ULK4: variants seen among roughly 807,000 people sequenced by gnomAD.
The protein encoded by ULK4 is unc-51 like kinase 4, also known as inactive serine/threonine-protein kinase ULK4.
In ULK4, 133 loss-of-function variants were observed where a neutral mutation model predicts 160.6. The observed-to-expected ratio is 0.83, with a 90% CI of 0.72 to 0.96. The LOEUF (loss-of-function observed/expected upper bound fraction) is 0.96. ULK4 is among the 40% of genes least tolerant of loss of function. ULK4 has a pLI of 0.00. For missense variants in ULK4, 1,580 were observed against 1,499.5 expected, an observed-to-expected ratio of 1.05 and a Z score of -0.89; for synonymous variants, 534 against 539.8, an observed-to-expected ratio of 0.99 and a Z score of 0.15.
rs536606173 is a variant in ULK4, at chr3:41,370,042, A to G, written c.3678+28037T>C. On this transcript the variant is annotated intron_variant, in intron 35 of 36. Transcript: ENST00000301831. ...AGAGCCTGGAAATGTAATGACTTCC[A>G]GGTTGCTAAGCAACGTCACAACGTT... Among the ~76,000 whole-genome samples, 73 of 152,268 alleles carry G rather than the reference A, an allele frequency of 4.8e-4. 1 individual carries two copies. Among genetic ancestry groups the G allele is most frequent in the Admixed American group, 1.6e-3 (24 of 15,284 alleles).
chr3:41,679,499 A>C (rs962308504), intron 29 of ULK4, among the ~76,000 whole-genome samples: 2 of 152,238 alleles, frequency 1.3e-5, no homozygotes, highest in Non-Finnish European at 2.9e-5. Context: ...AAGTTGTGTA[A>C]TACAAGCTTG....
Position 41,610,484 on chromosome 3 carries a change from G to T in ULK4, c.3120+5185C>A, listed in dbSNP as rs1384287845. 2.0e-5 allele frequency among the ~76,000 whole-genome samples: 3 copies of T among 152,156 alleles called. No individual in the cohort carries two copies. In the East Asian group the frequency reaches 5.8e-4, roughly 29 times the overall value. On this transcript the variant is annotated intron_variant, in intron 31 of 36. Transcript: ENST00000301831. ...ATATTTGTTGAGTTACAAGTAGAGT[G>T]GAGCAAATTTTATAAGCCTGATGGA...
At chr3:41,894,210 A>G (rs1698073878) in intron 16 of ULK4, among the ~76,000 whole-genome samples, 2 of 152,218 alleles carry the variant, frequency 1.3e-5, no homozygotes, top group African/African-American at 2.4e-5. Context: ...AGGATATAAC[A>G]CATTTTAAAT....
At chr3:41,555,347 G>A (rs532760375) in intron 32 of ULK4, among the ~76,000 whole-genome samples, 81 of 148,482 alleles carry the variant, frequency 5.5e-4, no homozygotes, top group East Asian at 5.9e-4. Context: ...CCATTACAAA[G>A]TAGGCAAAGC....
At chr3:41,844,281 G>A (rs1021182959) in intron 17 of ULK4, among the ~76,000 whole-genome samples, 1 of 152,158 alleles carries the variant, frequency 6.6e-6, no homozygotes, top group Non-Finnish European at 1.5e-5. Context: ...GGAGGCTCAG[G>A]CATGGTGGGC....
At chr3:41,801,343 A>T (rs2040454562) in intron 19 of ULK4, among the ~76,000 whole-genome samples, 1 of 151,940 alleles carries the variant, frequency 6.6e-6, no homozygotes, top group Non-Finnish European at 1.5e-5. Context: ...AAAGAAACAG[A>T]GCATCAGTGA....
chr3:41,596,501 G>C (rs2031700315), intron 31 of ULK4, among the ~76,000 whole-genome samples: 1 of 152,124 alleles, frequency 6.6e-6, no homozygotes, highest in African/African-American at 2.4e-5. Flanking sequence ...GCTAAGAAAG[G>C]GAAGAGAAGA....
chr3:41,442,708 C>T (rs1297113700), intron 34 of ULK4, among the ~76,000 whole-genome samples: 1 of 152,102 alleles, frequency 6.6e-6, no homozygotes, highest in Non-Finnish European at 1.5e-5. Context: ...ATCCTCCCAC[C>T]TCAGTCTCCC....
intron 22 of ULK4, among the ~76,000 whole-genome samples, chr3:41,741,200 A>C (rs1354778045): frequency 6.6e-6 from 1 of 151,940 alleles, no homozygotes; most frequent in East Asian, 1.9e-4. Flanking sequence ...CAGCCTAAAA[A>C]TACAAATGAG....
intron 27 of ULK4, among the ~76,000 whole-genome samples, chr3:41,685,042 C>A (rs2036053958): frequency 6.6e-6 from 1 of 151,756 alleles, no homozygotes. Context: ...CAATGGCTGC[C>A]TGGGTTCAAT....
chr3:41,780,197 C>A (rs2039784767), intron 21 of ULK4, among the ~76,000 whole-genome samples: 1 of 151,692 alleles, frequency 6.6e-6, no homozygotes, highest in Admixed American at 6.6e-5. Context: ...CCTGTGGTCC[C>A]AGCCACCCTG....
chr3:41,906,109 C>T (rs981475903), intron 12 of ULK4, among the ~76,000 whole-genome samples: 3 of 147,820 alleles, frequency 2.0e-5, no homozygotes, highest in African/African-American at 5.0e-5. Flanking sequence ...CCCAGCTACT[C>T]GGGAGGCTGA....
intron 31 of ULK4, among the ~76,000 whole-genome samples, chr3:41,587,161 C>T (rs2125638805): frequency 6.6e-6 from 1 of 152,268 alleles, no homozygotes; most frequent in East Asian, 1.9e-4. Flanking sequence ...TGTTCTCTTA[C>T]TGGCTGCTGG....
At chr3:41,352,289 T>C (rs2080926781) in intron 35 of ULK4, among the ~76,000 whole-genome samples, 1 of 152,176 alleles carries the variant, frequency 6.6e-6, no homozygotes, top group Non-Finnish European at 1.5e-5. Flanking sequence ...TACAGAGGAA[T>C]GGTAAGGGTC....
chr3:41,498,825 G>A (rs1040977179), intron 32 of ULK4, among the ~76,000 whole-genome samples: 21 of 152,194 alleles, frequency 1.4e-4, no homozygotes, highest in Non-Finnish European at 2.4e-4. Flanking sequence ...TCGATCTCCT[G>A]ACATTGTGAT....
chr3:41,500,280 CTT>C (rs34817731), intron 32 of ULK4, among the ~76,000 whole-genome samples: 7 of 139,880 alleles, frequency 5.0e-5, no homozygotes, highest in African/African-American at 1.8e-4. Context: ...TTCATCTTAT[CTT>C]TTTTTTTTTT....
intron 17 of ULK4, among the ~76,000 whole-genome samples, chr3:41,864,767 C>T (rs575643159): frequency 6.6e-5 from 10 of 152,196 alleles, no homozygotes; most frequent in Admixed American, 6.5e-4. Context: ...ATTTATTCAT[C>T]TTTTCTTCCT....
chr3:41,961,565 C>T (rs1043289433), intron 1 of ULK4, among the ~76,000 whole-genome samples: 1 of 112,736 alleles, frequency 8.9e-6, no homozygotes, highest in Non-Finnish European at 1.8e-5. Context: ...CCCCCCCCCC[C>T]CCCCCGCTCC....
At chr3:41,306,368 A>C (rs866623392) in intron 35 of ULK4, among the ~76,000 whole-genome samples, 3 of 98,140 alleles carry the variant, frequency 3.1e-5, no homozygotes, top group Non-Finnish European at 1.8e-5. Context: ...CCCCCCGCCC[A>C]GCCAGCTGCC....
Sources: allele counts gnomAD v4.1 joint callset (sites outside exome capture counted in the v4.1 genomes callset), GRCh38; gene constraint gnomAD v4.1.1; transcripts MANE v1.5; gene names NCBI Gene and HGNC (gene_info 2026-07-23, HGNC 2026-07-21).